Variants in INVS observed in about 807,000 individuals in gnomAD.
INVS encodes inversin.
In INVS, 86 loss-of-function variants were observed where a neutral mutation model predicts 108.8. The ratio of observed to expected loss-of-function variants is 0.79; its 90% CI spans 0.66 to 0.95. INVS has a LOEUF of 0.95. INVS is among the 40% of genes least tolerant of loss of function. The probability of loss-of-function intolerance (pLI) is 0.00; values close to 1 mark genes in which losing one functional copy is unlikely to be tolerated. For missense variants in INVS, 1,169 were observed against 1,297.4 expected, an observed-to-expected ratio of 0.90 and a Z score of 1.52; for synonymous variants, 455 against 473.5, an observed-to-expected ratio of 0.96 and a Z score of 0.51.
chr9:100,254,194 G>A (rs540709014), intron 10 of INVS, among the ~76,000 whole-genome samples: 4 of 152,266 alleles, frequency 2.6e-5, no homozygotes, highest in East Asian at 3.9e-4. Flanking sequence ...TCATGTGTCT[G>A]TTGGCTGTAT....
intron 5 of INVS, among the ~76,000 whole-genome samples, chr9:100,233,893 T>G (rs1831595434): frequency 6.6e-6 from 1 of 152,178 alleles, no homozygotes; most frequent in Non-Finnish European, 1.5e-5. Context: ...ATAAAATGAG[T>G]TAGGGAGGAT....
At chr9:100,256,802 C>A (rs1346930186) in intron 10 of INVS, among the ~76,000 whole-genome samples, 1 of 152,138 alleles carries the variant, frequency 6.6e-6, no homozygotes, top group African/African-American at 2.4e-5. Context: ...AATTTCTGTT[C>A]TTTTACATTT....
At chr9:100,185,630 G>A (rs1830036309) in intron 3 of INVS, among the ~76,000 whole-genome samples, 1 of 149,338 alleles carries the variant, frequency 6.7e-6, no homozygotes, top group Non-Finnish European at 1.5e-5. Flanking sequence ...TGAAGTCTAA[G>A]ATTTTAGTGC....
rs143489321 is a variant in INVS, at chr9:100,238,915, T to G, written c.616-1145T>G. ...AAAAAATCTCAACCCCATTCATAAA[T>G]GAACTACAAGTTAAAATAGCAGTGA... On this transcript the variant is annotated intron_variant, in intron 5 of 16. Transcript: ENST00000262457. Among the ~76,000 whole-genome samples, 387 of 152,330 alleles carry G rather than the reference T, an allele frequency of 2.5e-3. 2 individuals are homozygous for G. Among genetic ancestry groups the G allele is most frequent in the African/African-American group, 8.9e-3 (370 of 41,582 alleles).
chr9:100,160,589 T>C (rs1309226311), intron 3 of INVS, among the ~76,000 whole-genome samples: 2 of 152,200 alleles, frequency 1.3e-5, no homozygotes, highest in East Asian at 3.8e-4. Context: ...TCTGAATTTA[T>C]AGTTGTGTTC....
rs759565020 is a variant in INVS, at chr9:100,292,721, G to A, written c.2464G>A (p.Gly822Arg). ...GSARGEAVHA[G>R]QNPPHHRTPR... ...TGCCCGGGGGGAGGCGGTCCATGCT[G>A]GGCAGAATCCTCCCCACCATCGTAC... Residue 822 changes from glycine to arginine, a missense_variant, in exon 14 of 17, where the codon GGG (glycine) becomes AGG (arginine). Gly to Arg is a moderately radical substitution (Grantham distance 125, BLOSUM62 -2). Around this residue, in one of 3 missense-constraint regions of INVS, gnomAD observed 533 missense variants for 536.0 expected, o/e 0.99. Transcript: ENST00000262457. The A allele has an allele frequency of 2.5e-6, 4 of 1,614,006 alleles. No homozygotes were observed. The highest frequency in any genetic ancestry group is 3.4e-6 in the Non-Finnish European group (4 of 1,180,034).
chr9:100,125,681 ATTTTTT>A (rs68122542), intron 2 of INVS, among the ~76,000 whole-genome samples: 71 of 99,034 alleles, frequency 7.2e-4, no homozygotes, highest in African/African-American at 2.8e-3. Flanking sequence ...ATCAACTGTG[ATTTTTT>A]TTTTTTTTTT....
intron 11 of INVS, among the ~76,000 whole-genome samples, chr9:100,267,411 G>A (rs777759123): frequency 6.6e-6 from 1 of 152,166 alleles, no homozygotes; most frequent in South Asian, 2.1e-4. Context: ...TGCCTTTTAC[G>A]TTTATTGACA....
rs1056454054 is a variant in INVS at position 100,301,306 on chromosome 9, A to G, written c.*632A>G. 2.0e-5 allele frequency among the ~76,000 whole-genome samples: 3 copies of G among 152,228 alleles called. No individual in the cohort carries two copies. The highest frequency in any genetic ancestry group is 2.9e-5 in the Non-Finnish European group (2 of 68,048). On this transcript the variant is annotated 3_prime_UTR_variant, in exon 17 of 17. Coordinates refer to ENST00000262457, the MANE Select transcript of INVS (RefSeq NM_014425.5). ...ACATTCTGGTGATTCCTTACATTTTACAGTTCCTACGTTAGCCTCTCAAGG... is the reference window on the plus strand; with the variant it reads ...ACATTCTGGTGATTCCTTACATTTTGCAGTTCCTACGTTAGCCTCTCAAGG...
intron 3 of INVS, among the ~76,000 whole-genome samples, chr9:100,148,313 G>A (rs1017461576): frequency 1.3e-5 from 2 of 152,164 alleles, no homozygotes; most frequent in African/African-American, 4.8e-5. Context: ...GTAGGAGAAA[G>A]CTTTTATTAT....
intron 4 of INVS, 144 bp downstream of exon 4, chr9:100,226,379 T>C: frequency 1.5e-6 from 1 of 672,200 alleles, no homozygotes; most frequent in Non-Finnish European, 2.5e-6. Context: ...CTCAGGGAAG[T>C]ATTTCACTTA....
chr9:100,205,721 C>T (rs7865483), intron 3 of INVS, among the ~76,000 whole-genome samples: 29,458 of 151,624 alleles, frequency 0.19, 4,566 homozygotes, highest in African/African-American at 0.44. Context: ...TTACAAACCA[C>T]TCACATATAG....
chr9:100,115,015 A>G (rs982759111), intron 2 of INVS, among the ~76,000 whole-genome samples: 3 of 152,214 alleles, frequency 2.0e-5, no homozygotes, highest in African/African-American at 4.8e-5. Flanking sequence ...TTTTAATAGT[A>G]GCTATACCAT....
intron 7 of INVS, among the ~76,000 whole-genome samples, chr9:100,243,700 G>A (rs921338188): frequency 6.6e-5 from 10 of 151,878 alleles, no homozygotes; most frequent in Non-Finnish European, 1.3e-4. Flanking sequence ...GAAACCCTTC[G>A]TTTCATCAAA....
intron 12 of INVS, 66 bp downstream of exon 12, chr9:100,273,142 G>C: frequency 1.6e-6 from 2 of 1,218,484 alleles, no homozygotes; most frequent in Non-Finnish European, 2.4e-6. Context: ...GGGGTGTGGG[G>C]GGTGCTGGGG....
chr9:100,100,866 A>ATAATATATGTAC (rs1826904577), intron 1 of INVS, among the ~76,000 whole-genome samples: 1 of 60,118 alleles, frequency 1.7e-5, no homozygotes, highest in African/African-American at 7.7e-5. Context: ...TATATAATAT[A>ATAATATATGTAC]TATATTATAT....
At chr9:100,203,151 C>T (rs998095500) in intron 3 of INVS, among the ~76,000 whole-genome samples, 1 of 152,112 alleles carries the variant, frequency 6.6e-6, no homozygotes, top group Non-Finnish European at 1.5e-5. Flanking sequence ...ATTTGGTGAG[C>T]CATTGTGAAG....
At chr9:100,148,569 G>A (rs1828704393) in intron 3 of INVS, among the ~76,000 whole-genome samples, 1 of 152,142 alleles carries the variant, frequency 6.6e-6, no homozygotes, top group Admixed American at 6.5e-5. Flanking sequence ...GCAAAGAAAA[G>A]TAATTAAACT....
intron 3 of INVS, among the ~76,000 whole-genome samples, chr9:100,205,501 G>A (rs1830647346): frequency 6.6e-6 from 1 of 151,896 alleles, no homozygotes; most frequent in Non-Finnish European, 1.5e-5. Flanking sequence ...CAGTTAAATT[G>A]GTTATTGATG....
Sources: gnomAD v4.1 joint callset for allele counts (sites outside exome capture counted in the v4.1 genomes callset) on GRCh38, gnomAD v4.1.1 for gene constraint, gnomAD v4.1.1 regional missense constraint, MANE v1.5 for transcripts, NCBI Gene and HGNC (gene_info 2026-07-23, HGNC 2026-07-21) for gene names.